Variants in PARP14 observed in about 807,000 individuals in gnomAD.
The protein encoded by PARP14 is protein mono-ADP-ribosyltransferase PARP14.
PARP14 carries 59 observed loss-of-function variants against 154.2 expected under a neutral mutation model. That is an observed-to-expected ratio of 0.38 (90% CI 0.31 to 0.48). The LOEUF is 0.48. PARP14 is among the 20% of genes least tolerant of loss of function. PARP14 has a pLI of 0.98. For missense variants in PARP14, 1,734 were observed against 2,131.6 expected (o/e 0.81, Z 3.67); for synonymous variants, 720 against 780.5 (o/e 0.92, Z 1.29).
In PARP14 at chr3:122,692,583, A is replaced by G. The variant is rs142052359; in HGVS notation, c.598+40A>G. ...CACTTCCTCTGCCTGTCTTCTTTGT[A>G]CCACATCATGAGACTTGAGATACCT... On this transcript the variant is annotated intron_variant, in intron 4 of 16. Coordinates refer to ENST00000474629, the MANE Select transcript of PARP14 (RefSeq NM_017554.3). The G allele has an allele frequency of 2.7e-3, 4,190 of 1,565,344 alleles. 19 individuals carry two copies. The highest frequency in any genetic ancestry group is 8.0e-3 in the Middle Eastern group (47 of 5,866).
Position 122,727,830 on chromosome 3 carries a change from C to G in PARP14, c.4960C>G (p.Pro1654Ala). ...RIEKIERIQN[P>A]DLWNSYQAKK... is the part of the protein sequence containing the mutation. ...TTTGCAGATTGAGAGGATCCAGAAT[C>G]CAGATCTCTGGAATAGCTACCAGGC... The change falls in exon 16 of 17, where the codon CCA becomes GCA. Residue 1654 changes from proline to alanine, a missense_variant. This residue lies in a region of PARP14 where 1,646 missense variants were observed against 1,976.0 expected (regional missense o/e 0.83). Coordinates refer to ENST00000474629, the MANE Select transcript of PARP14 (RefSeq NM_017554.3). 1 of 1,608,684 alleles carries G rather than the reference C, an allele frequency of 6.2e-7. No individual in the cohort carries two copies. Among genetic ancestry groups the G allele is most frequent in the Non-Finnish European group, 8.5e-7 (1 of 1,176,784 alleles).
chr3:122,699,206 T>A lies in PARP14; in HGVS notation c.836-184T>A, dbSNP rs1227733391. ...AACATTAGTTTTTTTTACTCTAAAA[T>A]GGGAAGATTTTGTTTTGTTTTTCTT... On this transcript the variant is annotated intron_variant, in intron 5 of 16. Coordinates refer to ENST00000474629, the MANE Select transcript of PARP14 (RefSeq NM_017554.3). Among the ~76,000 whole-genome samples the A allele has an allele frequency of 5.9e-5, 9 of 152,206 alleles. No homozygotes were observed. In the East Asian group the frequency reaches 1.7e-3, roughly 29 times the overall value.
rs373481546 is a variant in PARP14, at chr3:122,701,354, G to C, written c.2800G>C (p.Val934Leu). ...GVFGFPLGRC[V>L]ETIVSAIKEN... ...CTTTGGCTTTCCCTTAGGCCGATGC[G>C]TGGAGACCATTGTTTCTGCCATCAA... Residue 934 changes from valine to leucine, a missense_variant, in exon 6 of 17, where the codon GTG becomes CTG. By Grantham distance (32) the Val-to-Leu change is conservative. This residue lies in a region of PARP14 where 1,646 missense variants were observed against 1,976.0 expected (regional missense o/e 0.83). Transcript: ENST00000474629. The surrounding 1 kb of genome is among the most constrained non-coding windows in gnomAD (Gnocchi z 4.0). The C allele has an allele frequency of 6.2e-7, 1 of 1,614,050 alleles. No individual in the cohort carries two copies. Among genetic ancestry groups the C allele is most frequent in the South Asian group, 1.1e-5 (1 of 91,086 alleles).
chr3:122,685,125 T>G, intron 1 of PARP14, 60 bp from the exon 2 acceptor site: 2 of 1,592,414 alleles, frequency 1.3e-6, no homozygotes, highest in Non-Finnish European at 1.7e-6. Context: ...AATCATAGAA[T>G]AATTTTGTAA....
At position 122,704,673 on chromosome 3, in the gene PARP14, T is replaced by C; in HGVS notation, c.3465T>C (p.Phe1155=). 6.2e-7 allele frequency: 1 copy of C among 1,607,468 alleles called. No homozygotes were observed. The part of the protein sequence containing the change: ...AELIISEVFK[F]SSKNQLKTLQ... ...TAATCATTTCAGAGGTGTTCAAATT[T>C]AGTAGCAAGAATCAGCTGAAAACTT... The change falls in exon 8 of 17, where the codon TTT becomes TTC. Residue 1155 remains phenylalanine (F), a synonymous_variant. Coordinates refer to ENST00000474629, the MANE Select transcript of PARP14 (RefSeq NM_017554.3).
chr3:122,708,160 G>GT, intron 8 of PARP14, 30 bp from the exon 9 acceptor site: 1 of 1,216,852 alleles, frequency 8.2e-7, no homozygotes. Flanking sequence ...ACTGAGGAGT[G>GT]TAATGATCAA....
At chr3:122,687,223 G>A (rs572251103) in intron 3 of PARP14, 110 bp downstream of exon 3, 2 of 754,492 alleles carry the variant, frequency 2.7e-6, no homozygotes, top group Admixed American at 2.2e-5. Flanking sequence ...TATGCAGGAT[G>A]TGCTCCGCTG....
chr3:122,688,242 C>A (rs80303979), intron 3 of PARP14, among the ~76,000 whole-genome samples: 7,724 of 152,238 alleles, frequency 0.051, 267 homozygotes, highest in Middle Eastern at 0.088. Flanking sequence ...CAACTTCAGA[C>A]TAGGAAGTGG....
intron 2 of PARP14, chr3:122,686,745 G>C (rs1938387456): frequency 9.4e-6 from 2 of 212,350 alleles, no homozygotes; most frequent in Non-Finnish European, 1.9e-5. Flanking sequence ...GAAATTACAG[G>C]TGTGAGCCAC....
At chr3:122,685,071 A>G in intron 1 of PARP14, 114 bp from the exon 2 acceptor site, 1 of 1,166,812 alleles carries the variant, frequency 8.6e-7, no homozygotes, top group Admixed American at 2.2e-5. Context: ...GCCTCTCTTG[A>G]GAAACCGACC....
chr3:122,717,726 G>A (rs1429908485), intron 12 of PARP14, among the ~76,000 whole-genome samples: 1 of 152,246 alleles, frequency 6.6e-6, no homozygotes, highest in African/African-American at 2.4e-5. Context: ...GGACACTAGC[G>A]AGCTAAGTAG....
rs13093808 is a variant in PARP14, at chr3:122,700,236, C to A, written c.1682C>A (p.Ala561Glu). ...GAATTCTCTAAGTGTCTTTTCATAG[C>A]ACAGAAGATTCTTGCACTTTATGAG... The part of the protein sequence containing the change: ...WKEFSKCLFI[A>E]QKILALYELE... The change falls in exon 6 of 17, where the codon GCA (alanine) becomes GAA (glutamate). Residue 561 changes from alanine (A) to glutamate (E), a missense_variant. Ala to Glu is a moderately radical substitution (Grantham distance 107). Transcript: ENST00000474629. 160,471 of 1,611,034 alleles carry A rather than the reference C, an allele frequency of 0.1. 8,599 individuals carry two copies. Among genetic ancestry groups the A allele is most frequent in the East Asian group, 0.14 (6,095 of 44,832 alleles).
In PARP14 at chr3:122,708,260, A is replaced by T; in HGVS notation, c.3611A>T (p.Asp1204Val). The T allele has an allele frequency of 6.5e-7, 1 of 1,549,548 alleles. No individual in the cohort carries two copies. Among genetic ancestry groups the T allele is most frequent in the African/African-American group, 1.4e-5 (1 of 73,856 alleles). Residue 1204 changes from aspartate to valine, a missense_variant, in exon 9 of 17, where the codon GAT (aspartate) becomes GTT (valine). Physicochemically the swap from Asp to Val is radical, Grantham distance 152. Coordinates refer to ENST00000474629, the MANE Select transcript of PARP14 (RefSeq NM_017554.3). ...LVSDKIPKAK[D>V]TQGFYGTVSS... is the part of the protein sequence containing the mutation. ...AGTGACAAAATTCCGAAGGCTAAAGATACACAAGGTTCAGTAAAGCTTCTA... is the reference window on the plus strand; with the variant it reads ...AGTGACAAAATTCCGAAGGCTAAAGTTACACAAGGTTCAGTAAAGCTTCTA...
chr3:122,704,205 A>G (rs975922281), intron 7 of PARP14, among the ~76,000 whole-genome samples: 2 of 152,248 alleles, frequency 1.3e-5, no homozygotes, highest in Non-Finnish European at 2.9e-5. Flanking sequence ...ATTGGAGCTC[A>G]GGGAAGGGTT....
chr3:122,720,603 A>G (rs1251787129), intron 15 of PARP14: 1 of 597,842 alleles, frequency 1.7e-6, no homozygotes, highest in Non-Finnish European at 3.0e-6. Context: ...TGATTGTAAT[A>G]TGATAGAACA....
At chr3:122,696,001 A>G (rs1389842575) in intron 5 of PARP14, among the ~76,000 whole-genome samples, 1 of 152,204 alleles carries the variant, frequency 6.6e-6, no homozygotes, top group African/African-American at 2.4e-5. Flanking sequence ...CTCTCAAATT[A>G]ATTATGACAA....
At chr3:122,706,751 A>G (rs1311714582) in intron 8 of PARP14, among the ~76,000 whole-genome samples, 3 of 151,858 alleles carry the variant, frequency 2.0e-5, no homozygotes, top group Non-Finnish European at 2.9e-5. Flanking sequence ...TTTTTTTCCA[A>G]CAAAATTATC....
chr3:122,704,617 T>G lies in PARP14; in HGVS notation c.3409T>G (p.Leu1137Val). The G allele has an allele frequency of 6.2e-7, 1 of 1,606,278 alleles. No individual in the cohort carries two copies. The highest frequency in any genetic ancestry group is 8.5e-7 in the Non-Finnish European group (1 of 1,175,370). The change falls in exon 8 of 17, where the codon TTG (leucine) becomes GTG (valine). Residue 1137 changes from leucine (L) to valine (V), a missense_variant. Around this residue, in one of 2 missense-constraint regions of PARP14, gnomAD observed 1,646 missense variants for 1,976.0 expected, o/e 0.83. Transcript: ENST00000474629. Reference sequence around the variant, plus strand: ...ATTTCCAGCAATAGGAACAGGAAACTTGGGATTTCCTAAAAACATATTCGC... The same window carrying G: ...ATTTCCAGCAATAGGAACAGGAAACGTGGGATTTCCTAAAAACATATTCGC... ...IAFPAIGTGN[L>V]GFPKNIFAEL...
chr3:122,718,574 T>A lies in PARP14; in HGVS notation c.4423T>A (p.Leu1475Met). 1.2e-6 allele frequency: 2 copies of A among 1,613,532 alleles called. No individual in the cohort carries two copies. The highest frequency in any genetic ancestry group is 1.7e-6 in the Non-Finnish European group (2 of 1,179,726). Reference protein sequence around the residue: ...KDFDEKEYQELNELQKKLNIN... With the variant: ...KDFDEKEYQEMNELQKKLNIN... The stretch of plus-strand genomic sequence containing the variant: ...CTTTGATGAAAAGGAGTATCAGGAG[T>A]TGAATGAGCTGCAGAAGAAGTTAAA... Residue 1475 changes from leucine to methionine, a missense_variant, in exon 14 of 17, where the codon TTG (leucine) becomes ATG (methionine). Transcript: ENST00000474629.
Sources: allele counts gnomAD v4.1 joint callset (sites outside exome capture counted in the v4.1 genomes callset), GRCh38; gene constraint gnomAD v4.1.1; regional missense constraint gnomAD v4.1.1; non-coding constraint Gnocchi (gnomAD v3.1); transcripts MANE v1.5; gene names NCBI Gene and HGNC (gene_info 2026-07-23, HGNC 2026-07-21).